PTPRD: variants seen among roughly 807,000 people sequenced by gnomAD.
PTPRD encodes protein tyrosine phosphatase receptor type D, also known as receptor-type tyrosine-protein phosphatase delta.
A neutral mutation model predicts 214.5 loss-of-function variants in PTPRD; 34 were observed. The ratio of observed to expected loss-of-function variants is 0.16; its 90% CI spans 0.12 to 0.21. The LOEUF (loss-of-function observed/expected upper bound fraction) is 0.21. Ranked by LOEUF, PTPRD falls within the 10% of genes least tolerant of loss-of-function variation. The pLI is 1.00. For missense variants in PTPRD, 2,545 were observed against 2,398.7 expected (o/e 1.06, Z -1.27); for synonymous variants, 1,128 against 845.7 (o/e 1.33, Z -5.79).
intron 2 of PTPRD, among the ~76,000 whole-genome samples, chr9:10,438,942 T>C (rs747024839): frequency 6.6e-5 from 10 of 151,814 alleles, no homozygotes; most frequent in South Asian, 4.1e-4. Context: ...AGGGTCCCAG[T>C]GAGTCATATC....
intron 11 of PTPRD, among the ~76,000 whole-genome samples, chr9:8,737,790 A>G (rs2090845381): frequency 1.3e-5 from 2 of 152,118 alleles, no homozygotes; most frequent in African/African-American, 2.4e-5. Flanking sequence ...GGCTGGGATT[A>G]CAGGTGTGCG....
intron 39 of PTPRD, among the ~76,000 whole-genome samples, chr9:8,371,124 T>C (rs1437990565): frequency 6.6e-6 from 1 of 151,774 alleles, no homozygotes; most frequent in African/African-American, 2.4e-5. Context: ...GGAAAGAACA[T>C]GAAATGTAGA....
chr9:8,410,027 GT>G (rs1211879818), intron 35 of PTPRD, among the ~76,000 whole-genome samples: 1 of 152,146 alleles, frequency 6.6e-6, no homozygotes, highest in African/African-American at 2.4e-5. Context: ...CCTTTCTGAG[GT>G]TTAGAAGAGC....
intron 14 of PTPRD, among the ~76,000 whole-genome samples, chr9:8,580,796 A>T (rs1452647641): frequency 6.6e-6 from 1 of 152,202 alleles, no homozygotes; most frequent in Non-Finnish European, 1.5e-5. Flanking sequence ...ACACACGCTT[A>T]TATAAACAGC....
intron 4 of PTPRD, among the ~76,000 whole-genome samples, chr9:9,942,470 T>C (rs995228938): frequency 3.9e-5 from 6 of 152,146 alleles, no homozygotes; most frequent in Non-Finnish European, 8.8e-5. Flanking sequence ...TATGCATCAA[T>C]TTGTATATAA....
At chr9:8,666,071 T>C (rs982281335) in intron 12 of PTPRD, among the ~76,000 whole-genome samples, 5 of 152,074 alleles carry the variant, frequency 3.3e-5, no homozygotes, top group Non-Finnish European at 7.4e-5. Context: ...AATCACTTTA[T>C]ATTTAAAACT....
intron 15 of PTPRD, among the ~76,000 whole-genome samples, chr9:8,527,948 T>G (rs949631198): frequency 6.6e-6 from 1 of 152,134 alleles, no homozygotes. Flanking sequence ...ATTATCATAG[T>G]ATTAATAAAA....
intron 11 of PTPRD, among the ~76,000 whole-genome samples, chr9:8,932,486 C>G (rs1220980943): frequency 6.6e-6 from 1 of 152,180 alleles, no homozygotes; most frequent in Non-Finnish European, 1.5e-5. Flanking sequence ...CCCTTTCCCC[C>G]AGGTGCTCTG....
chr9:9,727,719 A>T (rs768771227), intron 7 of PTPRD, among the ~76,000 whole-genome samples: 6 of 152,300 alleles, frequency 3.9e-5, no homozygotes, highest in Non-Finnish European at 8.8e-5. Flanking sequence ...TCCTTCTGAA[A>T]TGAAACTTGC....
chr9:8,726,948 T>C lies in PTPRD; in HGVS notation c.64+6832A>G, dbSNP rs1415043488. Among the ~76,000 whole-genome samples, 3 of 151,674 alleles carry C rather than the reference T, an allele frequency of 2.0e-5. No individual in the cohort carries two copies. The East Asian group carries it at 5.8e-4, about 29-fold the overall frequency. On this transcript the variant is annotated intron_variant, in intron 12 of 45. Coordinates refer to ENST00000381196, the MANE Select transcript of PTPRD (RefSeq NM_002839.4). ...ACTGTGCCACTGCACTACTCCAGCCTGGGCAGCAGAGCCAGACCCTGTCTC... is the reference window on the plus strand; with the variant it reads ...ACTGTGCCACTGCACTACTCCAGCCCGGGCAGCAGAGCCAGACCCTGTCTC...
intron 2 of PTPRD, among the ~76,000 whole-genome samples, chr9:10,418,763 GGAAGGAAAAAA>G (rs2098518786): frequency 6.6e-6 from 1 of 151,588 alleles, no homozygotes; most frequent in African/African-American, 2.4e-5. Flanking sequence ...AGAAATGGTT[GGAAGGAAAAAA>G]GAAGGAAATT....
Position 9,301,405 on chromosome 9 carries a change from C to T in PTPRD, c.-203+96044G>A, listed in dbSNP as rs138673314. Among the ~76,000 whole-genome samples the T allele has an allele frequency of 3.8e-3, 580 of 151,896 alleles. 6 individuals are homozygous for T. Among genetic ancestry groups the T allele is most frequent in the African/African-American group, 0.013 (549 of 41,492 alleles). ...CATACCAGCAGTTCTATTCTAACAACGACCATCATAAAGATGGTGGCACAG... is the reference window on the plus strand; with the variant it reads ...CATACCAGCAGTTCTATTCTAACAATGACCATCATAAAGATGGTGGCACAG... On this transcript the variant is annotated intron_variant, in intron 9 of 45. Coordinates refer to ENST00000381196, the MANE Select transcript of PTPRD (RefSeq NM_002839.4).
intron 3 of PTPRD, among the ~76,000 whole-genome samples, chr9:10,278,943 T>G (rs957674264): frequency 6.6e-6 from 1 of 151,830 alleles, no homozygotes; most frequent in Non-Finnish European, 1.5e-5. Flanking sequence ...CCAGGCTAAT[T>G]TTTTGTATTT....
intron 14 of PTPRD, among the ~76,000 whole-genome samples, chr9:8,579,062 C>G (rs535937770): frequency 6.6e-6 from 1 of 151,974 alleles, no homozygotes; most frequent in African/African-American, 2.4e-5. Flanking sequence ...AATCTGTAGT[C>G]GATTTTAAAA....
intron 8 of PTPRD, among the ~76,000 whole-genome samples, chr9:9,557,966 C>T (rs2081949604): frequency 6.6e-6 from 1 of 152,212 alleles, no homozygotes; most frequent in East Asian, 1.9e-4. Context: ...TCCACCCTAT[C>T]TTGGCTGCTT....
At chr9:9,880,348 C>T (rs1346358614) in intron 5 of PTPRD, among the ~76,000 whole-genome samples, 1 of 152,110 alleles carries the variant, frequency 6.6e-6, no homozygotes, top group Non-Finnish European at 1.5e-5. Flanking sequence ...TGGACTAAAA[C>T]AAGATGCCTA....
intron 7 of PTPRD, among the ~76,000 whole-genome samples, chr9:9,727,209 A>T (rs899788208): frequency 2.3e-4 from 35 of 152,234 alleles, no homozygotes; most frequent in Admixed American, 1.6e-3. Context: ...TAATTCTGGC[A>T]TTCTGGGTGG....
intron 3 of PTPRD, among the ~76,000 whole-genome samples, chr9:10,092,276 G>A (rs2098439824): frequency 6.6e-6 from 1 of 151,362 alleles, no homozygotes; most frequent in South Asian, 2.1e-4. Flanking sequence ...TTGCAGATAT[G>A]CTTCTGTTAT....
At chr9:10,175,060 A>C (rs2099238510) in intron 3 of PTPRD, among the ~76,000 whole-genome samples, 1 of 152,104 alleles carries the variant, frequency 6.6e-6, no homozygotes, top group South Asian at 2.1e-4. Flanking sequence ...ATGAAAAATG[A>C]TTCTTCTTTA....
Sources: gnomAD v4.1 joint callset for allele counts (sites outside exome capture counted in the v4.1 genomes callset) on GRCh38, gnomAD v4.1.1 for gene constraint, MANE v1.5 for transcripts, NCBI Gene and HGNC (gene_info 2026-07-23, HGNC 2026-07-21) for gene names.